Variants in ROBO3 observed in about 807,000 individuals in gnomAD.
The protein encoded by ROBO3 is roundabout guidance receptor 3.
A neutral mutation model predicts 160.5 loss-of-function variants in ROBO3; 97 were observed. The observed-to-expected ratio is 0.60, with a 90% CI of 0.51 to 0.72. ROBO3 has a LOEUF of 0.72. Among genes scored for constraint, ROBO3 ranks in the 30% least tolerant of loss-of-function variants. The pLI, the probability that ROBO3 is intolerant of heterozygous loss-of-function variation, is 0.00. For missense variants in ROBO3, 1,858 were observed against 1,846.5 expected (o/e 1.01, Z -0.11); for synonymous variants, 780 against 746.2 (o/e 1.05, Z -0.74).
chr11:124,874,734 G>A, intron 12 of ROBO3, 54 bp from the exon 13 acceptor site: 3 of 1,564,932 alleles, frequency 1.9e-6, no homozygotes, highest in Non-Finnish European at 2.6e-6. Context: ...CACACTCTCA[G>A]CCCTATCTCC....
At chr11:124,868,065 C>A (rs1228239723) in intron 1 of ROBO3, among the ~76,000 whole-genome samples, 3 of 152,182 alleles carry the variant, frequency 2.0e-5, no homozygotes, top group Non-Finnish European at 4.4e-5. Context: ...AGTAGAGGAA[C>A]ATCAATCAGT....
Position 124,877,661 on chromosome 11 carries a change from G to A in ROBO3, c.2986+3G>A. Reference sequence around the variant, plus strand: ...CCCGGACGACAGATATTACAACGGTGAGGAGTTCTCATTCCCTCACCTGGC... The same window carrying A: ...CCCGGACGACAGATATTACAACGGTAAGGAGTTCTCATTCCCTCACCTGGC... On this transcript the variant is annotated splice_donor_region_variant and intron_variant, in intron 20 of 27. Coordinates refer to ENST00000397801, the MANE Select transcript of ROBO3 (RefSeq NM_022370.4). 1 of 1,610,530 alleles carries A rather than the reference G, an allele frequency of 6.2e-7. No individual in the cohort carries two copies. Among genetic ancestry groups the A allele is most frequent in the Non-Finnish European group, 8.5e-7 (1 of 1,178,496 alleles).
intron 6 of ROBO3, 53 bp from the exon 7 acceptor site, chr11:124,870,961 C>A: frequency 6.3e-7 from 1 of 1,586,436 alleles, no homozygotes; most frequent in African/African-American, 1.3e-5. Flanking sequence ...CCTGCAGTCT[C>A]CTTTCTTAGT....
rs760985007 is a variant in ROBO3 at position 124,872,336 on chromosome 11, A to G, written c.1159-45A>G. On this transcript the variant is annotated intron_variant, in intron 7 of 27. Transcript: ENST00000397801. The surrounding 1 kb of genome is among the most constrained non-coding windows in gnomAD (Gnocchi z 4.3). ...CAGGAATGGGGACCTCTCCCTGCCC[A>G]GCTGCCTGCTCATTCCCTACCCTGG... The G allele has an allele frequency of 6.3e-7, 1 of 1,581,568 alleles. No individual in the cohort carries two copies. The highest frequency in any genetic ancestry group is 1.1e-5 in the South Asian group (1 of 90,318).
In ROBO3 at chr11:124,872,059, A is replaced by G. The variant is rs117078713; in HGVS notation, c.1159-322A>G. 0.014 allele frequency among the ~76,000 whole-genome samples: 2,114 copies of G among 152,332 alleles called. 58 individuals carry two copies. Among genetic ancestry groups the G allele is most frequent in the Admixed American group, 0.059 (897 of 15,292 alleles). ...CAACGTGTTAGAAGACTTTCATATG[A>G]TTACTTCATGTGATCTTTATAACTA... is the stretch of plus-strand genomic sequence containing the variant. On this transcript the variant is annotated intron_variant, in intron 7 of 27. Coordinates refer to ENST00000397801, the MANE Select transcript of ROBO3 (RefSeq NM_022370.4). The surrounding 1 kb of genome is among the most constrained non-coding windows in gnomAD (Gnocchi z 4.3).
rs762446798 is a variant in ROBO3 at position 124,877,323 on chromosome 11, C to T, written c.2846+14C>T. The T allele has an allele frequency of 6.2e-7, 1 of 1,613,750 alleles. No individual in the cohort carries two copies. The highest frequency in any genetic ancestry group is 8.5e-7 in the Non-Finnish European group (1 of 1,179,710). On this transcript the variant is annotated intron_variant, in intron 19 of 27. Coordinates refer to ENST00000397801, the MANE Select transcript of ROBO3 (RefSeq NM_022370.4). Reference sequence around the variant, plus strand: ...AGCCAGTTCCAGGTAATTCTCTTAGCCCATTTCCTCAGGATGACCTCCACC... The same window carrying T: ...AGCCAGTTCCAGGTAATTCTCTTAGTCCATTTCCTCAGGATGACCTCCACC...
rs993868984 is a variant in ROBO3, at chr11:124,868,888, T to C, written c.247T>C (p.Leu83=). 2 of 1,608,482 alleles carry C rather than the reference T, an allele frequency of 1.2e-6. No individual in the cohort carries two copies. Among genetic ancestry groups the C allele is most frequent in the African/African-American group, 2.7e-5 (2 of 74,894 alleles). The change falls in exon 2 of 28, where the codon TTG becomes CTG. Residue 83 remains leucine, a synonymous_variant. Coordinates refer to ENST00000397801, the MANE Select transcript of ROBO3 (RefSeq NM_022370.4). Reference sequence around the variant, plus strand: ...GGTCTCCCGAGGCGAGCCCGCCACGTTGCCCTGCCGCGCTGAAGGCCGACC... The same window carrying C: ...GGTCTCCCGAGGCGAGCCCGCCACGCTGCCCTGCCGCGCTGAAGGCCGACC... ...LLVSRGEPAT[L]PCRAEGRPRP...
chr11:124,878,028 G>A lies in ROBO3; in HGVS notation c.3078G>A (p.Gly1026=), dbSNP rs761801290. Residue 1026 remains glycine, a synonymous_variant, in exon 21 of 28, where the codon GGG becomes GGA. Coordinates refer to ENST00000397801, the MANE Select transcript of ROBO3 (RefSeq NM_022370.4). This position sits in a 1 kb window ranked among gnomAD's most constrained non-coding sequence, Gnocchi z 4.3. ...GPVYSTIDPA[G]EELQTFHGGF... is the part of the protein sequence containing the mutation. ...TCTATAGCACCATTGACCCAGCGGG[G>A]GAGGAGCTGCAGACCTTCCATGGGG... The A allele has an allele frequency of 6.8e-6, 11 of 1,612,574 alleles. No individual in the cohort carries two copies. In the South Asian group the frequency reaches 7.7e-5, roughly 11 times the overall value.
Position 124,879,580 on chromosome 11 carries a change from G to A in ROBO3, c.3796+5G>A, listed in dbSNP as rs778632348. The A allele has an allele frequency of 1.2e-6, 2 of 1,607,692 alleles. No homozygotes were observed. The highest frequency in any genetic ancestry group is 1.3e-5 in the African/African-American group (1 of 74,710). On this transcript the variant is annotated splice_donor_5th_base_variant and intron_variant, in intron 25 of 27. Transcript: ENST00000397801. Reference sequence around the variant, plus strand: ...GGAGGGAGAACAGTCCTGGGGGTGAGGGGGGATGCACCTGGGAGATGGTGA... The same window carrying A: ...GGAGGGAGAACAGTCCTGGGGGTGAAGGGGGATGCACCTGGGAGATGGTGA...
rs746486301 is a variant in ROBO3 at position 124,870,261 on chromosome 11, G to C, written c.863G>C (p.Arg288Pro). The change falls in exon 5 of 28, where the codon CGT (arginine) becomes CCT (proline). Residue 288 changes from arginine to proline, a missense_variant. Transcript: ENST00000397801. ...LCEVKGDPPP[R>P]LRWRKEDGEL... ...GAGGTGAAGGGGGATCCCCCACCTC[G>C]TCTACGCTGGCGCAAGGAGGATGGG... 15 of 1,613,976 alleles carry C rather than the reference G, an allele frequency of 9.3e-6. No individual in the cohort carries two copies. The highest frequency in any genetic ancestry group is 1.2e-5 in the Non-Finnish European group (14 of 1,179,884).
At position 124,869,597 on chromosome 11, in the gene ROBO3, G is replaced by A. The variant is rs1946252686; in HGVS notation, c.635G>A (p.Gly212Glu). Residue 212 changes from glycine to glutamate, a missense_variant, in exon 3 of 28, where the codon GGA (glycine) becomes GAA (glutamate). By Grantham distance (98) the Gly-to-Glu change is moderately conservative. Transcript: ENST00000397801. The surrounding 1 kb of genome is among the most constrained non-coding windows in gnomAD (Gnocchi z 4.2). ...GGTGCAAGACTCAAGGAAGAGGAAG[G>A]AAGGATCACGGTGAGGGCGGGATTA... The part of the protein sequence containing the change: ...KDGARLKEEE[G>E]RITIRGGKLM... 1.3e-6 allele frequency: 2 copies of A among 1,573,296 alleles called. No individual in the cohort carries two copies. Among genetic ancestry groups the A allele is most frequent in the South Asian group, 1.2e-5 (1 of 85,174 alleles).
Position 124,875,304 on chromosome 11 carries a change from G to A in ROBO3, c.2267G>A (p.Ser756Asn), listed in dbSNP as rs1251358496. 8 of 1,613,062 alleles carry A rather than the reference G, an allele frequency of 5.0e-6. No individual in the cohort carries two copies. The highest frequency in any genetic ancestry group is 6.8e-6 in the Non-Finnish European group (8 of 1,179,636). ...GGCCAGGAGGGGCTGGGGGCTGAAA[G>A]CCTCTCTGTGACCAGGAGCATTCCT... is the stretch of plus-strand genomic sequence containing the variant. ...AQGQEGLGAE[S>N]LSVTRSIPEE... The change falls in exon 14 of 28, where the codon AGC (serine) becomes AAC (asparagine). Residue 756 changes from serine (S) to asparagine (N), a missense_variant. Transcript: ENST00000397801.
At chr11:124,880,722 G>A (rs1162430720) in intron 27 of ROBO3, 114 bp downstream of exon 27, 2 of 1,387,722 alleles carry the variant, frequency 1.4e-6, no homozygotes, top group Non-Finnish European at 1.9e-6. Context: ...TCAAAAGGAG[G>A]GGATCGAGAG....
Position 124,865,819 on chromosome 11 carries a change from T to C in ROBO3, c.160+82T>C. 1 of 1,434,792 alleles carries C rather than the reference T, an allele frequency of 7.0e-7. No homozygotes were observed. The highest frequency in any genetic ancestry group is 1.4e-5 in the South Asian group (1 of 73,788). The allele number at this position is 1,434,792 out of a possible 1,614,324, so 88.9% of individuals were successfully genotyped here. A position where few individuals can be genotyped will look rare whatever the true frequency, so the allele number is the denominator to read the frequency against. On this transcript the variant is annotated intron_variant, in intron 1 of 27. Transcript: ENST00000397801. The surrounding 1 kb of genome is among the most constrained non-coding windows in gnomAD (Gnocchi z 5.5). ...CGGCGTGGAAGGGAAGGAGAAGCGC[T>C]CCTGTCCCGAGGTCCGGGATTGAGT... is the stretch of plus-strand genomic sequence containing the variant.
chr11:124,869,338 G>T lies in ROBO3; in HGVS notation c.488-112G>T. ...GGCTGATATTTTCTCACCTGGGAACGAATTCCAGTCTGCAGCGATCAACCC... is the reference window on the plus strand; with the variant it reads ...GGCTGATATTTTCTCACCTGGGAACTAATTCCAGTCTGCAGCGATCAACCC... On this transcript the variant is annotated intron_variant, in intron 2 of 27. Coordinates refer to ENST00000397801, the MANE Select transcript of ROBO3 (RefSeq NM_022370.4). The surrounding 1 kb of genome is among the most constrained non-coding windows in gnomAD (Gnocchi z 4.2). 2 of 1,179,572 alleles carry T rather than the reference G, an allele frequency of 1.7e-6. No individual in the cohort carries two copies. Among genetic ancestry groups the T allele is most frequent in the Non-Finnish European group, 1.2e-6 (1 of 811,020 alleles). The allele number at this position is 1,179,572 out of a possible 1,614,324, so 73.1% of individuals were successfully genotyped here.
intron 1 of ROBO3, among the ~76,000 whole-genome samples, chr11:124,867,056 C>T (rs11219817): frequency 1.3e-5 from 2 of 152,030 alleles, no homozygotes; most frequent in East Asian, 3.9e-4. Flanking sequence ...ATTTTGCCGC[C>T]GAGAAAACGC....
In ROBO3 at chr11:124,869,436, A is replaced by G. The variant is rs11219820; in HGVS notation, c.488-14A>G. On this transcript the variant is annotated splice_polypyrimidine_tract_variant and intron_variant, in intron 2 of 27. Transcript: ENST00000397801. This position sits in a 1 kb window ranked among gnomAD's most constrained non-coding sequence, Gnocchi z 4.2. ...CTACACCCTGCTTATTTCGCCCCCC[A>G]CCGCCCCGCCCAGTCCTCCGTGATG... The G allele has an allele frequency of 4.7e-6, 6 of 1,283,462 alleles. No individual in the cohort carries two copies. Among genetic ancestry groups the G allele is most frequent in the Middle Eastern group, 2.5e-4 (1 of 3,986 alleles). The allele number at this position is 1,283,462 out of a possible 1,614,324, so 79.5% of individuals were successfully genotyped here. A position where few individuals can be genotyped will look rare whatever the true frequency, so the allele number is the denominator to read the frequency against.
rs372108479 is a variant in ROBO3, at chr11:124,869,341, T to C, written c.488-109T>C. 2.5e-6 allele frequency: 3 copies of C among 1,191,894 alleles called. No individual in the cohort carries two copies. Among genetic ancestry groups the C allele is most frequent in the Non-Finnish European group, 3.6e-6 (3 of 822,020 alleles). 73.8% of individuals were successfully genotyped at this position (1,191,894 alleles called of 1,614,324 possible). ...TGATATTTTCTCACCTGGGAACGAA[T>C]TCCAGTCTGCAGCGATCAACCCCTT... On this transcript the variant is annotated intron_variant, in intron 2 of 27. Coordinates refer to ENST00000397801, the MANE Select transcript of ROBO3 (RefSeq NM_022370.4). This position sits in a 1 kb window ranked among gnomAD's most constrained non-coding sequence, Gnocchi z 4.2.
chr11:124,866,958 T>C (rs960004241), intron 1 of ROBO3, among the ~76,000 whole-genome samples: 3 of 152,178 alleles, frequency 2.0e-5, no homozygotes, highest in African/African-American at 4.8e-5. Flanking sequence ...TCTGCTCACC[T>C]AGCGCGTTTA....
Sources: gnomAD v4.1 joint callset for allele counts (sites outside exome capture counted in the v4.1 genomes callset) on GRCh38, gnomAD v4.1.1 for gene constraint, Gnocchi (gnomAD v3.1) non-coding constraint, MANE v1.5 for transcripts, NCBI Gene and HGNC (gene_info 2026-07-23, HGNC 2026-07-21) for gene names.